Variants in TMEM182 observed in about 807,000 individuals in gnomAD.
The protein encoded by TMEM182 is transmembrane protein 182.
In TMEM182, 20 loss-of-function variants were observed where a neutral mutation model predicts 26.8. The ratio of observed to expected loss-of-function variants is 0.75; its 90% confidence interval spans 0.53 to 1.09. The LOEUF is 1.09. Ranked by LOEUF, TMEM182 falls within the 50% of genes least tolerant of loss-of-function variation. The pLI is 0.00. For missense variants in TMEM182, 277 were observed against 275.5 expected (o/e 1.01, Z -0.04); for synonymous variants, 109 against 102.2 (o/e 1.07, Z -0.40).
chr2:102,778,751 C>T lies in TMEM182; in HGVS notation c.331+14324C>T, dbSNP rs186921297. Among the ~76,000 whole-genome samples the T allele has an allele frequency of 3.1e-3, 478 of 152,124 alleles. 4 individuals are homozygous for T. The highest frequency in any genetic ancestry group is 6.8e-3 in the Middle Eastern group (2 of 294). On this transcript the variant is annotated intron_variant, in intron 3 of 4. Coordinates refer to ENST00000412401, the MANE Select transcript of TMEM182 (RefSeq NM_144632.5). ...GACATTTACCAATGTAAGTAAAGTGCAAAACTTTACCTTCTTTATGTTCCT... is the reference window on the plus strand; with the variant it reads ...GACATTTACCAATGTAAGTAAAGTGTAAAACTTTACCTTCTTTATGTTCCT...
At chr2:102,839,795 A>G (rs906769086) in intron 3 of TMEM182, among the ~76,000 whole-genome samples, 2 of 152,150 alleles carry the variant, frequency 1.3e-5, no homozygotes, top group African/African-American at 4.8e-5. Flanking sequence ...AGGTGGTGCT[A>G]TCACTCTCAG....
chr2:102,773,708 CTTG>C (rs1314306524), intron 3 of TMEM182, among the ~76,000 whole-genome samples: 2 of 152,062 alleles, frequency 1.3e-5, no homozygotes, highest in Non-Finnish European at 2.9e-5. Context: ...ACCTCTCCAG[CTTG>C]TTGTATCATT....
At position 102,770,303 on chromosome 2, in the gene TMEM182, T is replaced by C. The variant is rs1416778316; in HGVS notation, c.331+5876T>C. On this transcript the variant is annotated intron_variant, in intron 3 of 4. Transcript: ENST00000412401. ...GATCATAAGCCAATGATGCAAAAGT[T>C]CTTGGGGCCCAGTAGCTCCGTCTTC... is the stretch of plus-strand genomic sequence containing the variant. 7.0e-4 allele frequency among the ~76,000 whole-genome samples: 106 copies of C among 152,230 alleles called. 1 individual carries two copies. The highest frequency in any genetic ancestry group is 1.5e-5 in the Non-Finnish European group (1 of 68,012).
chr2:102,834,538 C>G lies in TMEM182; in HGVS notation c.326-8874C>G, dbSNP rs1010696814. ...ATATAGGTGAGCCTTGGGAGGTGTG[C>G]ATATCCATGAGAGTGTTATTGCTAC... On this transcript the variant is annotated intron_variant, in intron 3 of 3. Coordinates refer to the TMEM182 transcript ENST00000486293. The G allele has an allele frequency of 1.5e-5, 9 of 590,920 alleles. No individual in the cohort carries two copies. The East Asian group carries it at 4.3e-4, about 28-fold the overall frequency. The allele number at this position is 590,920 out of a possible 1,614,324, so 36.6% of individuals were successfully genotyped here.
chr2:102,800,531 C>A (rs1682074977), intron 4 of TMEM182, among the ~76,000 whole-genome samples: 1 of 152,134 alleles, frequency 6.6e-6, no homozygotes, highest in Admixed American at 6.6e-5. Context: ...AAATTTTTCT[C>A]ACCCAAACGA....
At chr2:102,809,395 T>A (rs923303499) in intron 4 of TMEM182, among the ~76,000 whole-genome samples, 1 of 152,196 alleles carries the variant, frequency 6.6e-6, no homozygotes, top group African/African-American at 2.4e-5. Flanking sequence ...CTGCTCTAAA[T>A]TCACCGTTTC....
chr2:102,746,661 G>T (rs13432859), intron 1 of TMEM182, among the ~76,000 whole-genome samples: 2,341 of 152,008 alleles, frequency 0.015, 70 homozygotes, highest in African/African-American at 0.054. Flanking sequence ...TGGCGCGATC[G>T]TGGCTCACTG....
In TMEM182 at chr2:102,815,064, A is replaced by C. The variant is rs1682696163; in HGVS notation, c.*96A>C. On this transcript the variant is annotated 3_prime_UTR_variant, in exon 5 of 5. Transcript: ENST00000412401. ...ATTGATCCCAGCATAAAGTTAGTAG[A>C]TATAACTTTTTAGTTGCTATTCAAA... is the stretch of plus-strand genomic sequence containing the variant. 8 of 1,488,756 alleles carry C rather than the reference A, an allele frequency of 5.4e-6. No homozygotes were observed. The South Asian group carries it at 1.1e-4, about 21-fold the overall frequency. 92.2% of individuals were successfully genotyped at this position (1,488,756 alleles called of 1,614,324 possible). A position where few individuals can be genotyped will look rare whatever the true frequency, so the allele number is the denominator to read the frequency against.
At chr2:102,789,331 T>C (rs992575412) in intron 3 of TMEM182, among the ~76,000 whole-genome samples, 1 of 152,236 alleles carries the variant, frequency 6.6e-6, no homozygotes, top group Non-Finnish European at 1.5e-5. Flanking sequence ...AAATCACTTA[T>C]CAAAACACTA....
At position 102,815,474 on chromosome 2, in the gene TMEM182, C is replaced by T. The variant is rs889660582; in HGVS notation, c.*506C>T. The stretch of plus-strand genomic sequence containing the variant: ...AGCAAATGAATTTAAAAATAGACAG[C>T]AGTTGTTCTAATTAGTGGGAGCCAT... On this transcript the variant is annotated 3_prime_UTR_variant, in exon 5 of 5. Transcript: ENST00000412401. 2 of 988,168 alleles carry T rather than the reference C, an allele frequency of 2.0e-6. No homozygotes were observed. Among genetic ancestry groups the T allele is most frequent in the Admixed American group, 1.2e-4 (2 of 16,590 alleles). 61.2% of individuals were successfully genotyped at this position (988,168 alleles called of 1,614,324 possible).
At chr2:102,756,251 TTTTG>T (rs1680029182) in intron 1 of TMEM182, among the ~76,000 whole-genome samples, 1 of 152,226 alleles carries the variant, frequency 6.6e-6, no homozygotes, top group African/African-American at 2.4e-5. Context: ...TGCTTTTTAA[TTTTG>T]TTTTATTATT....
intron 3 of TMEM182, among the ~76,000 whole-genome samples, chr2:102,840,436 G>A (rs531353035): frequency 2.0e-5 from 3 of 152,138 alleles, no homozygotes; most frequent in African/African-American, 7.2e-5. Flanking sequence ...TCTAGACTTG[G>A]TGAATGCACC....
intron 1 of TMEM182, among the ~76,000 whole-genome samples, chr2:102,742,838 G>A (rs1037021654): frequency 6.6e-6 from 1 of 151,962 alleles, no homozygotes; most frequent in African/African-American, 2.4e-5. Context: ...GCAAGAAAGA[G>A]TGAAGGAAAA....
At chr2:102,808,033 G>A (rs561418556) in intron 4 of TMEM182, among the ~76,000 whole-genome samples, 20 of 152,256 alleles carry the variant, frequency 1.3e-4, no homozygotes, top group East Asian at 3.9e-4. Flanking sequence ...AATGGACCCC[G>A]ACAGCATTCG....
At chr2:102,821,940 A>T (rs1168311154), downstream of TMEM182, among the ~76,000 whole-genome samples, 2 of 151,080 alleles carry the variant, frequency 1.3e-5, no homozygotes, top group Non-Finnish European at 1.5e-5. Context: ...GTGAGCTGAG[A>T]TCGCTCCACT....
chr2:102,824,361 C>T (rs188757212), intron 3 of TMEM182, among the ~76,000 whole-genome samples: 11 of 152,150 alleles, frequency 7.2e-5, no homozygotes, highest in Non-Finnish European at 1.5e-4. Context: ...AATCTCATGT[C>T]GAATCATAAT....
intron 4 of TMEM182, among the ~76,000 whole-genome samples, chr2:102,801,757 A>C (rs1252709644): frequency 6.6e-6 from 1 of 152,172 alleles, no homozygotes; most frequent in Non-Finnish European, 1.5e-5. Flanking sequence ...TCCAGAGTAC[A>C]TTCCTTTGTG....
At position 102,762,816 on chromosome 2, in the gene TMEM182, G is replaced by T. The variant is rs80137523; in HGVS notation, c.232+130G>T. On this transcript the variant is annotated intron_variant, in intron 2 of 4. Transcript: ENST00000412401. ...AATCTCAATTAGATGTCTTTAAAAG[G>T]TTCATCATGTAGAGATTCCTTTTCA... is the stretch of plus-strand genomic sequence containing the variant. 4,535 of 651,832 alleles carry T rather than the reference G, an allele frequency of 7.0e-3. 19 individuals carry two copies. The highest frequency in any genetic ancestry group is 9.6e-3 in the Non-Finnish European group (3,790 of 393,058). The allele number at this position is 651,832 out of a possible 1,614,324, so 40.4% of individuals were successfully genotyped here.
intron 3 of TMEM182, among the ~76,000 whole-genome samples, chr2:102,789,082 C>T (rs1434112872): frequency 2.6e-5 from 4 of 152,168 alleles, no homozygotes. Flanking sequence ...CATATGCTGG[C>T]GGCCCTCATT....
Sources: gnomAD v4.1 joint callset for allele counts (sites outside exome capture counted in the v4.1 genomes callset) on GRCh38, gnomAD v4.1.1 for gene constraint, MANE v1.5 for transcripts, NCBI Gene and HGNC (gene_info 2026-07-23, HGNC 2026-07-21) for gene names.